FGF12: variants seen among roughly 807,000 people sequenced by gnomAD.
The protein encoded by FGF12 is fibroblast growth factor 12.
A neutral mutation model predicts 23.6 loss-of-function variants in FGF12; 14 were observed. The observed-to-expected ratio is 0.59, with a 90% CI of 0.39 to 0.93. The LOEUF (loss-of-function observed/expected upper bound fraction) is 0.93, where lower values mean the gene tolerates loss of function less well. Among genes scored for constraint, FGF12 ranks in the 40% least tolerant of loss-of-function variants. The pLI, the probability that FGF12 is intolerant of heterozygous loss-of-function variation, is 0.00. For synonymous variants in FGF12, 62 were observed against 77.3 expected (o/e 0.80, Z 1.04); for missense variants, 175 against 217.8 (o/e 0.80, Z 1.24).
intron 2 of FGF12, among the ~76,000 whole-genome samples, chr3:192,420,932 C>A (rs1174425238): frequency 6.6e-6 from 1 of 151,840 alleles, no homozygotes; most frequent in Non-Finnish European, 1.5e-5. Context: ...TGGAAAAACT[C>A]AAAACCAATT....
At chr3:192,478,913 A>G (rs1723402799) in intron 2 of FGF12, among the ~76,000 whole-genome samples, 1 of 152,160 alleles carries the variant, frequency 6.6e-6, no homozygotes, top group Non-Finnish European at 1.5e-5. Context: ...ATTCTTACTA[A>G]AAGTTTTCTC....
chr3:192,712,732 C>T (rs773763703), intron 2 of FGF12, among the ~76,000 whole-genome samples: 1 of 147,720 alleles, frequency 6.8e-6, no homozygotes, highest in Admixed American at 6.8e-5. Context: ...ACTGTGTATC[C>T]TTTTTTTTTT....
At chr3:192,677,970 C>T (rs1226049960) in intron 2 of FGF12, among the ~76,000 whole-genome samples, 4 of 152,254 alleles carry the variant, frequency 2.6e-5, no homozygotes, top group South Asian at 4.2e-4. Flanking sequence ...TAAGCCTAGC[C>T]GGGCTTACTG....
chr3:192,170,455 T>C lies in FGF12; in HGVS notation c.427+3A>G. On this transcript the variant is annotated splice_donor_region_variant and intron_variant, in intron 5 of 5. Transcript: ENST00000445105. ...CAACAAAGACAGTCAGTTGGTTTCA[T>C]ACCTTCAATAGGTTTCGGTACAAAA... The C allele has an allele frequency of 1.2e-6, 2 of 1,613,696 alleles. No individual in the cohort carries two copies. Among genetic ancestry groups the C allele is most frequent in the African/African-American group, 1.3e-5 (1 of 75,038 alleles).
chr3:192,378,334 C>T (rs1413551578), intron 2 of FGF12, among the ~76,000 whole-genome samples: 1 of 149,838 alleles, frequency 6.7e-6, no homozygotes, highest in Non-Finnish European at 1.5e-5. Context: ...TGGTCTTGAA[C>T]TCCTGGGCTC....
Position 192,457,714 on chromosome 3 carries a change from A to C in FGF12, c.14-97176T>G, listed in dbSNP as rs184303876. ...AAATTTGCAGCTGACGATGCAATAG[A>C]AAATAAATACCCATTTTTGAGGAGA... On this transcript the variant is annotated intron_variant, in intron 2 of 5. Transcript: ENST00000445105. Among the ~76,000 whole-genome samples the C allele has an allele frequency of 3.5e-3, 539 of 152,364 alleles. 7 individuals are homozygous for C. The highest frequency in any genetic ancestry group is 0.012 in the African/African-American group (487 of 41,584).
intron 2 of FGF12, among the ~76,000 whole-genome samples, chr3:192,699,069 C>A (rs926373277): frequency 2.0e-5 from 3 of 152,188 alleles, no homozygotes; most frequent in African/African-American, 7.2e-5. Flanking sequence ...CACTAAAAAC[C>A]TGCCATCAGT....
chr3:192,312,708 C>A (rs1261406006), intron 4 of FGF12, among the ~76,000 whole-genome samples: 1 of 150,564 alleles, frequency 6.6e-6, no homozygotes, highest in Non-Finnish European at 1.5e-5. Context: ...GATCGCACAA[C>A]TGCACTCCAG....
intron 4 of FGF12, among the ~76,000 whole-genome samples, chr3:192,331,843 T>A (rs1259068381): frequency 2.0e-5 from 3 of 152,040 alleles, no homozygotes; most frequent in Non-Finnish European, 4.4e-5. Flanking sequence ...CAGAAACCAA[T>A]GTAATATTAT....
chr3:192,641,070 A>G (rs1715780293), intron 2 of FGF12, among the ~76,000 whole-genome samples: 1 of 150,270 alleles, frequency 6.7e-6, no homozygotes, highest in South Asian at 2.1e-4. Flanking sequence ...TACTGGGACT[A>G]CAGTTGTGAG....
At chr3:192,652,770 C>T (rs1454584238) in intron 2 of FGF12, among the ~76,000 whole-genome samples, 1 of 152,162 alleles carries the variant, frequency 6.6e-6, no homozygotes, top group East Asian at 1.9e-4. Context: ...AGGACTTCCG[C>T]CCATTTGAAT....
At chr3:192,535,222 C>T (rs762486034) in intron 2 of FGF12, among the ~76,000 whole-genome samples, 2 of 152,102 alleles carry the variant, frequency 1.3e-5, no homozygotes, top group Non-Finnish European at 2.9e-5. Flanking sequence ...TTGGTACTAG[C>T]CTCCATATGA....
chr3:192,445,554 C>A (rs1047718466), intron 2 of FGF12, among the ~76,000 whole-genome samples: 1 of 152,152 alleles, frequency 6.6e-6, no homozygotes, highest in Non-Finnish European at 1.5e-5. Context: ...CCAAGAACAT[C>A]CTTATCCAGG....
intron 4 of FGF12, among the ~76,000 whole-genome samples, chr3:192,252,462 C>CAAAAAAAAAAAAAAAAA (rs56920518): frequency 1.1e-4 from 3 of 27,494 alleles, no homozygotes; most frequent in African/African-American, 2.6e-4. Flanking sequence ...GAATCTGTCT[C>CAAAAAAAAAAAAAAAAA]AAAAAAAAAA....
chr3:192,144,049 G>A lies in FGF12; in HGVS notation c.506C>T (p.Thr169Ile). The A allele has an allele frequency of 1.2e-6, 2 of 1,613,594 alleles. No homozygotes were observed. The highest frequency in any genetic ancestry group is 1.1e-5 in the South Asian group (1 of 91,064). Residue 169 changes from threonine (T) to isoleucine (I), a missense_variant, in exon 6 of 6, where the codon ACC (threonine) becomes ATC (isoleucine). Coordinates refer to ENST00000445105, the MANE Select transcript of FGF12 (RefSeq NM_004113.6). ...ATTCACAACTTTGCCTCCATTCATG[G>A]TTGGTGTTCCAGAACTTTTCCTTGA... is the stretch of plus-strand genomic sequence containing the variant. ...GRSRKSSGTP[T>I]MNGGKVVNQD...
intron 2 of FGF12, among the ~76,000 whole-genome samples, chr3:192,700,025 C>T (rs1169282484): frequency 6.6e-6 from 1 of 152,184 alleles, no homozygotes; most frequent in Admixed American, 6.5e-5. Flanking sequence ...GAACCCAAAT[C>T]TCTCCTTTCT....
intron 2 of FGF12, among the ~76,000 whole-genome samples, chr3:192,667,949 C>T (rs1311759807): frequency 3.9e-5 from 6 of 152,106 alleles, no homozygotes; most frequent in Admixed American, 3.3e-4. Flanking sequence ...ATTAGTTTTA[C>T]TTCTGAAAAT....
intron 4 of FGF12, among the ~76,000 whole-genome samples, chr3:192,290,261 T>C (rs1277160034): frequency 6.6e-6 from 1 of 152,192 alleles, no homozygotes; most frequent in African/African-American, 2.4e-5. Flanking sequence ...TTCCACTTTG[T>C]ACATATATAT....
At chr3:192,414,801 G>T (rs557904808) in intron 2 of FGF12, among the ~76,000 whole-genome samples, 53 of 152,242 alleles carry the variant, frequency 3.5e-4, no homozygotes, top group African/African-American at 1.1e-3. Flanking sequence ...TTCTAACATG[G>T]TTTCACATCT....
Sources: allele counts gnomAD v4.1 joint callset (sites outside exome capture counted in the v4.1 genomes callset), GRCh38; gene constraint gnomAD v4.1.1; transcripts MANE v1.5; gene names NCBI Gene and HGNC (gene_info 2026-07-23, HGNC 2026-07-21).